Variants in USP34 observed in about 807,000 individuals in gnomAD.
USP34 encodes the protein ubiquitin carboxyl-terminal hydrolase 34.
A neutral mutation model predicts 460.3 loss-of-function variants in USP34; 70 were observed. That is an observed-to-expected ratio of 0.15 (90% CI 0.13 to 0.19). The LOEUF is 0.19. Among genes scored for constraint, USP34 ranks in the 10% least tolerant of loss-of-function variants. The probability of loss-of-function intolerance (pLI) is 1.00; values close to 1 mark genes in which losing one functional copy is unlikely to be tolerated. For synonymous variants in USP34, 1,647 were observed against 1,405.3 expected (o/e 1.17, Z -3.85); for missense variants, 3,985 against 4,236.2 (o/e 0.94, Z 1.65).
At chr2:61,190,686 C>A (rs1169266265) in intron 76 of USP34, 28 bp from the exon 77 acceptor site, 1 of 1,597,996 alleles carries the variant, frequency 6.3e-7, no homozygotes. Context: ...TGGTTGAGCA[C>A]TTACGGTTGA....
At chr2:61,428,193 TAAAC>T (rs1239924118) in intron 1 of USP34, among the ~76,000 whole-genome samples, 5 of 140,064 alleles carry the variant, frequency 3.6e-5, no homozygotes, top group Admixed American at 2.9e-4. Context: ...TTCCAAATCT[TAAAC>T]AAAGGCAAAA....
Position 61,370,661 on chromosome 2 carries a change from C to A in USP34, c.1077-82G>T. The stretch of plus-strand genomic sequence containing the variant: ...CTAAAAGGTAGAGTCAATTGAAAAC[C>A]TAAATTTGTTCCTATAGGAATTATA... On this transcript the variant is annotated intron_variant, in intron 8 of 79. Coordinates refer to ENST00000398571, the MANE Select transcript of USP34 (RefSeq NM_014709.4). 2.4e-6 allele frequency: 3 copies of A among 1,271,558 alleles called. No individual in the cohort carries two copies. In the Admixed American group the frequency reaches 6.9e-5, roughly 29 times the overall value. 78.8% of individuals were successfully genotyped at this position (1,271,558 alleles called of 1,614,324 possible). A position where few individuals can be genotyped will look rare whatever the true frequency, so the allele number is the denominator to read the frequency against.
At chr2:61,256,178 A>G in intron 48 of USP34, among the ~76,000 whole-genome samples, 1 of 152,206 alleles carries the variant, frequency 6.6e-6, no homozygotes, top group East Asian at 1.9e-4. Flanking sequence ...TTGAGTGATT[A>G]CCACTTTCAT....
At position 61,350,344 on chromosome 2, in the gene USP34, C is replaced by T. The variant is rs771911240; in HGVS notation, c.1423G>A (p.Ala475Thr). Residue 475 changes from alanine (A) to threonine (T), a missense_variant, in exon 12 of 80, where the codon GCA becomes ACA. By Grantham distance (58) the Ala-to-Thr change is moderately conservative. Around this residue, in one of 14 missense-constraint regions of USP34, gnomAD observed 716 missense variants for 626.2 expected, o/e 1.14. Transcript: ENST00000398571. ...SMLIKALWNN[A>T]LAAKAQLSKQ... ...GATAACTGAGCCTTAGCTGCTAGTG[C>T]GTTATTCCACAGTGCTTTAATTAAC... is the stretch of plus-strand genomic sequence containing the variant. 22 of 1,613,422 alleles carry T rather than the reference C, an allele frequency of 1.4e-5. No homozygotes were observed. The highest frequency in any genetic ancestry group is 6.6e-5 in the South Asian group (6 of 91,000).
At chr2:61,348,598 C>T in intron 14 of USP34, 118 bp from the exon 15 acceptor site, 3 of 1,447,166 alleles carry the variant, frequency 2.1e-6, no homozygotes, top group Non-Finnish European at 2.7e-6. Context: ...CTCCTTTGAA[C>T]AATACAAAAT....
At chr2:61,361,780 T>C (rs1692282154) in intron 10 of USP34, among the ~76,000 whole-genome samples, 1 of 152,118 alleles carries the variant, frequency 6.6e-6, no homozygotes. Context: ...ACAGGAACTA[T>C]TAGCATAGGC....
chr2:61,385,404 A>G (rs925363718), intron 5 of USP34, among the ~76,000 whole-genome samples: 2 of 151,992 alleles, frequency 1.3e-5, no homozygotes, highest in Non-Finnish European at 2.9e-5. Context: ...CAAGGAGGCC[A>G]GGCGCGGTGG....
intron 68 of USP34, 62 bp downstream of exon 68, chr2:61,213,998 G>C: frequency 6.3e-7 from 1 of 1,589,202 alleles, no homozygotes; most frequent in South Asian, 1.2e-5. Flanking sequence ...TCCCACCAGG[G>C]GAAAAACAGG....
At chr2:61,256,235 G>T in intron 48 of USP34, 149 bp downstream of exon 48, 1 of 678,720 alleles carries the variant, frequency 1.5e-6, no homozygotes, top group Non-Finnish European at 2.6e-6. Context: ...TGAACAACTA[G>T]ATGAAAAGTT....
At chr2:61,460,124 G>C (rs1322083404) in intron 1 of USP34, among the ~76,000 whole-genome samples, 1 of 152,134 alleles carries the variant, frequency 6.6e-6, no homozygotes, top group Non-Finnish European at 1.5e-5. Context: ...ATATTACTTA[G>C]TTTCCAAGCT....
At chr2:61,282,882 A>G (rs1025144042) in intron 37 of USP34, among the ~76,000 whole-genome samples, 1 of 152,204 alleles carries the variant, frequency 6.6e-6, no homozygotes, top group African/African-American at 2.4e-5. Context: ...CTACCTGGAA[A>G]AACTTTTTTT....
chr2:61,190,551 A>C lies in USP34; in HGVS notation c.9696T>G (p.Ile3232Met). Reference protein sequence around the residue: ...MDERTFLNNNIVYTFMTHFLL... With the variant: ...MDERTFLNNNMVYTFMTHFLL... ...GGAAATGTGTCATGAACGTGTAGAC[A>C]ATGTTGTTGTTTAAAAAAGTTCTTT... Residue 3232 changes from isoleucine to methionine, a missense_variant, in exon 77 of 80, where the codon ATT becomes ATG. Physicochemically the swap from Ile to Met is conservative, Grantham distance 10. Around this residue, in one of 14 missense-constraint regions of USP34, gnomAD observed 506 missense variants for 439.0 expected, o/e 1.15. Transcript: ENST00000398571. 1 of 1,614,102 alleles carries C rather than the reference A, an allele frequency of 6.2e-7. No individual in the cohort carries two copies. Among genetic ancestry groups the C allele is most frequent in the Non-Finnish European group, 8.5e-7 (1 of 1,179,990 alleles).
rs758164410 is a variant in USP34, at chr2:61,206,798, G to A, written c.9008C>T (p.Ser3003Leu). The A allele has an allele frequency of 2.0e-5, 32 of 1,613,626 alleles. No individual in the cohort carries two copies. In the South Asian group the frequency reaches 2.9e-4, roughly 14 times the overall value. The part of the protein sequence containing the change: ...DLVELLSIFL[S>L]VLKSTRPYLQ... ...ATAAGGGCGTGTAGACTTCAAAACC[G>A]AAAGAAATATTGACAGAAGTTCTAC... The change falls in exon 71 of 80, where the codon TCG becomes TTG. Residue 3003 changes from serine (S) to leucine (L), a missense_variant. Ser to Leu is a moderately radical substitution (Grantham distance 145). This residue lies in a region of USP34 where 275 missense variants were observed against 292.7 expected (regional missense o/e 0.94). Coordinates refer to ENST00000398571, the MANE Select transcript of USP34 (RefSeq NM_014709.4).
chr2:61,236,196 G>C lies in USP34; in HGVS notation c.6883C>G (p.Pro2295Ala). The C allele has an allele frequency of 6.2e-7, 1 of 1,612,128 alleles. No individual in the cohort carries two copies. Among genetic ancestry groups the C allele is most frequent in the Non-Finnish European group, 8.5e-7 (1 of 1,179,288 alleles). ...QLCSCIPSTL[P>A]DPKAVSLMTA... ...ATTAAGGACACAGCTTTAGGATCTGGTAATGTACTGGGAATACAACTACAC... is the reference window on the plus strand; with the variant it reads ...ATTAAGGACACAGCTTTAGGATCTGCTAATGTACTGGGAATACAACTACAC... The change falls in exon 55 of 80, where the codon CCA becomes GCA. Residue 2295 changes from proline (P) to alanine (A), a missense_variant. Around this residue, in one of 14 missense-constraint regions of USP34, gnomAD observed 604 missense variants for 684.8 expected, o/e 0.88. Coordinates refer to ENST00000398571, the MANE Select transcript of USP34 (RefSeq NM_014709.4).
intron 51 of USP34, among the ~76,000 whole-genome samples, chr2:61,244,509 C>T (rs981835478): frequency 6.6e-5 from 10 of 151,618 alleles, no homozygotes; most frequent in Admixed American, 1.3e-4. Flanking sequence ...CAGCTACTCC[C>T]GAGGCTGAGA....
At chr2:61,439,075 A>G (rs779246985) in intron 1 of USP34, among the ~76,000 whole-genome samples, 3 of 152,232 alleles carry the variant, frequency 2.0e-5, no homozygotes, top group Non-Finnish European at 4.4e-5. Context: ...TACAATAGCT[A>G]GGAAAAAAGT....
chr2:61,391,585 G>T (rs948621298), intron 5 of USP34, among the ~76,000 whole-genome samples: 12 of 152,000 alleles, frequency 7.9e-5, no homozygotes, highest in African/African-American at 2.4e-4. Context: ...ACTCATTCCT[G>T]TGAAATTCAG....
intron 48 of USP34, chr2:61,250,222 A>G: frequency 6.0e-6 from 1 of 166,472 alleles, no homozygotes; most frequent in East Asian, 1.8e-4. Context: ...AAAAAAGAAA[A>G]GAAAAACAGC....
chr2:61,256,822 C>A, intron 47 of USP34, 51 bp downstream of exon 47: 2 of 1,403,724 alleles, frequency 1.4e-6, no homozygotes, highest in South Asian at 1.4e-5. Flanking sequence ...ACCCGCTATA[C>A]ACAAATAGGT....
Sources: gnomAD v4.1 joint callset for allele counts (sites outside exome capture counted in the v4.1 genomes callset) on GRCh38, gnomAD v4.1.1 for gene constraint, gnomAD v4.1.1 regional missense constraint, MANE v1.5 for transcripts, NCBI Gene and HGNC (gene_info 2026-07-23, HGNC 2026-07-21) for gene names.